PRKG1: variants seen among roughly 807,000 people sequenced by gnomAD.
The protein encoded by PRKG1 is protein kinase cGMP-dependent 1.
In PRKG1, 35 loss-of-function variants were observed where a neutral mutation model predicts 88.1. The observed-to-expected ratio is 0.40, with a 90% CI of 0.30 to 0.53. The LOEUF is 0.53. Ranked by LOEUF, PRKG1 falls within the 20% of genes least tolerant of loss-of-function variation. PRKG1 has a pLI of 0.59. For synonymous variants in PRKG1, 303 were observed against 292.5 expected (o/e 1.04, Z -0.37); for missense variants, 540 against 839.8 (o/e 0.64, Z 4.41).
intron 1 of PRKG1, among the ~76,000 whole-genome samples, chr10:51,091,946 T>C (rs763884461): frequency 6.6e-6 from 1 of 152,158 alleles, no homozygotes; most frequent in Non-Finnish European, 1.5e-5. Context: ...AATCTTGAGG[T>C]ACTCTGGTAA....
chr10:51,100,951 C>T (rs1240473015), intron 1 of PRKG1, among the ~76,000 whole-genome samples: 3 of 152,104 alleles, frequency 2.0e-5, no homozygotes, highest in East Asian at 1.9e-4. Context: ...CCTCTTGTCA[C>T]GAATGCAAAG....
intron 4 of PRKG1, among the ~76,000 whole-genome samples, chr10:51,806,569 C>T (rs1323732555): frequency 1.3e-5 from 2 of 152,170 alleles, no homozygotes; most frequent in South Asian, 2.1e-4. Context: ...CTCCATAAAA[C>T]ATCAAGTTCA....
intron 2 of PRKG1, among the ~76,000 whole-genome samples, chr10:51,278,933 G>GT (rs1233597047): frequency 1.3e-5 from 2 of 152,016 alleles, no homozygotes; most frequent in South Asian, 2.1e-4. Flanking sequence ...TTTTTGAAGG[G>GT]TTTTTTGTGT....
chr10:51,454,559 T>A (rs898411706), intron 2 of PRKG1, among the ~76,000 whole-genome samples: 1 of 152,154 alleles, frequency 6.6e-6, no homozygotes, highest in African/African-American at 2.4e-5. Flanking sequence ...CTGGGTAATT[T>A]ATAAGGAAAA....
At chr10:51,202,901 G>A (rs1837950454) in intron 2 of PRKG1, among the ~76,000 whole-genome samples, 1 of 152,182 alleles carries the variant, frequency 6.6e-6, no homozygotes, top group Non-Finnish European at 1.5e-5. Flanking sequence ...GATTCTGTTG[G>A]AACTGGGCTT....
At position 52,081,045 on chromosome 10, in the gene PRKG1, T is replaced by C. The variant is rs534747521; in HGVS notation, c.935+18414T>C. ...TTCAGTCCGGCTTCCTTCACCCCAA[T>C]AGGTGTTGCTGCTGAGCACCCTCTT... On this transcript the variant is annotated intron_variant, in intron 7 of 17. Coordinates refer to ENST00000373980, the MANE Select transcript of PRKG1 (RefSeq NM_006258.4). Among the ~76,000 whole-genome samples the C allele has an allele frequency of 9.2e-5, 14 of 152,340 alleles. No individual in the cohort carries two copies. In the East Asian group the frequency reaches 9.6e-4, roughly 10 times the overall value.
intron 1 of PRKG1, among the ~76,000 whole-genome samples, chr10:50,997,329 G>T (rs973850252): frequency 6.6e-6 from 1 of 152,180 alleles, no homozygotes; most frequent in Non-Finnish European, 1.5e-5. Flanking sequence ...TACACCAGGA[G>T]TTCTTGTTCC....
At chr10:51,200,370 G>A (rs1309495955) in intron 2 of PRKG1, among the ~76,000 whole-genome samples, 1 of 152,196 alleles carries the variant, frequency 6.6e-6, no homozygotes, top group African/African-American at 2.4e-5. Context: ...AAGAAAATAG[G>A]TAAATCAATA....
chr10:51,844,428 G>A (rs1290645138), intron 4 of PRKG1, among the ~76,000 whole-genome samples: 13 of 152,102 alleles, frequency 8.5e-5, no homozygotes, highest in African/African-American at 3.1e-4. Flanking sequence ...TTATAATTTT[G>A]ACCTAATGAT....
At chr10:52,274,286 C>T (rs1841811745) in intron 12 of PRKG1, among the ~76,000 whole-genome samples, 2 of 145,828 alleles carry the variant, frequency 1.4e-5, no homozygotes, top group South Asian at 2.4e-4. Context: ...TCCGACTCTT[C>T]CCCCCAAATC....
intron 4 of PRKG1, among the ~76,000 whole-genome samples, chr10:51,890,586 A>AT (rs1315159456): frequency 6.6e-6 from 1 of 152,356 alleles, no homozygotes; most frequent in African/African-American, 2.4e-5. Flanking sequence ...GTATTAAATC[A>AT]TTTTTTGTAG....
At chr10:51,501,122 G>T (rs897128609) in intron 3 of PRKG1, among the ~76,000 whole-genome samples, 10 of 152,004 alleles carry the variant, frequency 6.6e-5, no homozygotes, top group African/African-American at 1.9e-4. Context: ...TCTGAATCAC[G>T]CAGTATCCTT....
intron 3 of PRKG1, among the ~76,000 whole-genome samples, chr10:51,650,419 GAGTT>G (rs1840012442): frequency 6.6e-6 from 1 of 152,024 alleles, no homozygotes; most frequent in African/African-American, 2.4e-5. Flanking sequence ...CTTTTCATGT[GAGTT>G]AGAGAAAAAA....
intron 5 of PRKG1, among the ~76,000 whole-genome samples, chr10:52,009,506 G>A (rs189137555): frequency 1.2e-4 from 18 of 152,166 alleles, no homozygotes; most frequent in Admixed American, 7.2e-4. Flanking sequence ...ACAAAACACT[G>A]CTCAAACAAA....
intron 5 of PRKG1, among the ~76,000 whole-genome samples, chr10:52,046,293 C>T (rs968674620): frequency 1.3e-5 from 2 of 152,060 alleles, no homozygotes; most frequent in Non-Finnish European, 2.9e-5. Context: ...AAAGTACATG[C>T]ACTCATCATC....
At chr10:51,801,840 G>A (rs569870195) in intron 3 of PRKG1, among the ~76,000 whole-genome samples, 12 of 152,234 alleles carry the variant, frequency 7.9e-5, no homozygotes, top group African/African-American at 2.4e-4. Flanking sequence ...TCCACTGAGT[G>A]GGATGTATGT....
intron 2 of PRKG1, among the ~76,000 whole-genome samples, chr10:51,354,426 A>AGGT (rs1842320849): frequency 6.6e-6 from 1 of 152,130 alleles, no homozygotes; most frequent in South Asian, 2.1e-4. Context: ...GTACCTTATA[A>AGGT]ACATATACAG....
intron 9 of PRKG1, among the ~76,000 whole-genome samples, chr10:52,179,313 A>T (rs1838949362): frequency 6.6e-6 from 1 of 151,878 alleles, no homozygotes; most frequent in South Asian, 2.1e-4. Flanking sequence ...TGTTTATGAC[A>T]GATTTTATTT....
At chr10:51,309,195 T>A (rs1841116775) in intron 2 of PRKG1, among the ~76,000 whole-genome samples, 2 of 152,134 alleles carry the variant, frequency 1.3e-5, no homozygotes, top group Admixed American at 1.3e-4. Context: ...AAGGATGGGT[T>A]TAGAGATAAG....
Sources: allele counts gnomAD v4.1 joint callset (sites outside exome capture counted in the v4.1 genomes callset), GRCh38; gene constraint gnomAD v4.1.1; transcripts MANE v1.5; gene names NCBI Gene and HGNC (gene_info 2026-07-23, HGNC 2026-07-21).